B3GALT6: variants seen among roughly 807,000 people sequenced by gnomAD.
B3GALT6 encodes the protein beta-1,3-galactosyltransferase 6.
In B3GALT6, 27 loss-of-function variants were observed where a neutral mutation model predicts 23.3. That is an observed-to-expected ratio of 1.16 (90% CI 0.85 to 1.60). The LOEUF (loss-of-function observed/expected upper bound fraction) is 1.60, where lower values mean the gene tolerates loss of function less well. Ranked by LOEUF, B3GALT6 falls within the 40% of genes most tolerant of loss-of-function variation. B3GALT6 has a pLI of 0.00. For synonymous variants in B3GALT6, 313 were observed against 232.3 expected (o/e 1.35, Z -3.16); for missense variants, 554 against 471.1 (o/e 1.18, Z -1.63).
At position 1,232,934 on chromosome 1, in the gene B3GALT6, T is replaced by A; in HGVS notation, c.656T>A (p.Val219Glu). The change falls in exon 1 of 1, where the codon GTG (valine) becomes GAG (glutamate). Residue 219 changes from valine (V) to glutamate (E), a missense_variant. Coordinates refer to ENST00000379198, the MANE Select transcript of B3GALT6 (RefSeq NM_080605.4). Reference sequence around the variant, plus strand: ...CCCTACGCGCTGGGCGGCGGCTACGTGCTCTCGGCCGACCTGGTGCACTAC... The same window carrying A: ...CCCTACGCGCTGGGCGGCGGCTACGAGCTCTCGGCCGACCTGGTGCACTAC... ...YLPYALGGGY[V>E]LSADLVHYLR... 1.9e-6 allele frequency: 3 copies of A among 1,564,306 alleles called. No individual in the cohort carries two copies. Among genetic ancestry groups the A allele is most frequent in the Non-Finnish European group, 2.6e-6 (3 of 1,163,710 alleles).
Position 1,232,679 on chromosome 1 carries a change from C to T in B3GALT6, c.401C>T (p.Ala134Val). Residue 134 changes from alanine to valine, a missense_variant, in exon 1 of 1, where the codon GCC becomes GTC. Physicochemically the swap from Ala to Val is moderately conservative, Grantham distance 64. Transcript: ENST00000379198. ...CGCGACGCCTACGAAAACCTCACGG[C>T]CAAGGTGCTGGCCATGCTGGCCTGG... ...ALRDAYENLT[A>V]KVLAMLAWLD... 2.2e-6 allele frequency: 3 copies of T among 1,371,104 alleles called. No individual in the cohort carries two copies. The highest frequency in any genetic ancestry group is 2.9e-5 in the East Asian group (1 of 34,284). The allele number at this position is 1,371,104 out of a possible 1,614,324, so 84.9% of individuals were successfully genotyped here. A position where few individuals can be genotyped will look rare whatever the true frequency, so the allele number is the denominator to read the frequency against.
rs1341706013 is a variant in B3GALT6, at chr1:1,232,367, C to A, written c.89C>A (p.Ala30Glu). 1.0e-6 allele frequency: 1 copy of A among 986,150 alleles called. No homozygotes were observed. Among genetic ancestry groups the A allele is most frequent in the Non-Finnish European group, 1.2e-6 (1 of 831,830 alleles). 61.1% of individuals were successfully genotyped at this position (986,150 alleles called of 1,614,324 possible). ...ALCGAALLYL[A>E]RCAAEPGDPR... ...TGCGGGGCGGCGCTGCTCTACCTGG[C>A]GCGCTGCGCGGCCGAGCCCGGGGAC... Residue 30 changes from alanine to glutamate, a missense_variant, in exon 1 of 1, where the codon GCG (alanine) becomes GAG (glutamate). Coordinates refer to ENST00000379198, the MANE Select transcript of B3GALT6 (RefSeq NM_080605.4).
At position 1,233,361 on chromosome 1, in the gene B3GALT6, C is replaced by T. The variant is rs1638581468; in HGVS notation, c.*93C>T. 1.5e-6 allele frequency: 2 copies of T among 1,342,930 alleles called. No individual in the cohort carries two copies. The highest frequency in any genetic ancestry group is 3.8e-5 in the Admixed American group (1 of 26,062). 83.2% of individuals were successfully genotyped at this position (1,342,930 alleles called of 1,614,324 possible). On this transcript the variant is annotated 3_prime_UTR_variant, in exon 1 of 1. Transcript: ENST00000379198. ...GGCGCACTACGCCCGGGCCCCAAGG[C>T]CCCCGTCCCGCAGCCACGCTTGTGG... is the stretch of plus-strand genomic sequence containing the variant.
Position 1,233,846 on chromosome 1 carries a change from T to G in B3GALT6, c.*578T>G. The G allele has an allele frequency of 6.0e-6, 1 of 166,890 alleles. No individual in the cohort carries two copies. Among genetic ancestry groups the G allele is most frequent in the Non-Finnish European group, 1.5e-5 (1 of 68,142 alleles). The allele number at this position is 166,890 out of a possible 1,614,324, so 10.3% of individuals were successfully genotyped here. A position where few individuals can be genotyped will look rare whatever the true frequency, so the allele number is the denominator to read the frequency against. ...GCCCGTGTTTAAACGCAGGAGAACT[T>G]TAAAACTGGCCATCTATCTTTTCAG... On this transcript the variant is annotated 3_prime_UTR_variant, in exon 1 of 1. Coordinates refer to ENST00000379198, the MANE Select transcript of B3GALT6 (RefSeq NM_080605.4).
chr1:1,232,476 G>T lies in B3GALT6; in HGVS notation c.198G>T (p.Ala66=), dbSNP rs1234350290. ...TCCTGGCAGTGCTGGTGGCCAGCGC[G>T]CCCCGCGCCGCCGAGCGCCGCAGCG... ...AAFLAVLVAS[A]PRAAERRSVI... The change falls in exon 1 of 1, where the codon GCG becomes GCT. Residue 66 remains alanine, a synonymous_variant. Coordinates refer to ENST00000379198, the MANE Select transcript of B3GALT6 (RefSeq NM_080605.4). The T allele has an allele frequency of 2.0e-6, 2 of 1,018,532 alleles. No individual in the cohort carries two copies. The highest frequency in any genetic ancestry group is 1.8e-5 in the African/African-American group (1 of 57,130). The allele number at this position is 1,018,532 out of a possible 1,614,324, so 63.1% of individuals were successfully genotyped here. A position where few individuals can be genotyped will look rare whatever the true frequency, so the allele number is the denominator to read the frequency against.
rs1324657514 is a variant in B3GALT6, at chr1:1,233,791, C to T, written c.*523C>T. 1.2e-5 allele frequency: 2 copies of T among 167,452 alleles called. No individual in the cohort carries two copies. The highest frequency in any genetic ancestry group is 2.9e-5 in the Non-Finnish European group (2 of 68,530). 10.4% of individuals were successfully genotyped at this position (167,452 alleles called of 1,614,324 possible). On this transcript the variant is annotated 3_prime_UTR_variant, in exon 1 of 1. Coordinates refer to ENST00000379198, the MANE Select transcript of B3GALT6 (RefSeq NM_080605.4). The stretch of plus-strand genomic sequence containing the variant: ...TTAAGGAAAGACTTTTATGTCAGAA[C>T]TTGGTGCCTGTACCGTCAACCCCGC...
At position 1,232,428 on chromosome 1, in the gene B3GALT6, C is replaced by G; in HGVS notation, c.150C>G (p.Pro50=). 5 of 992,358 alleles carry G rather than the reference C, an allele frequency of 5.0e-6. No individual in the cohort carries two copies. The highest frequency in any genetic ancestry group is 6.0e-6 in the Non-Finnish European group (5 of 836,242). 61.5% of individuals were successfully genotyped at this position (992,358 alleles called of 1,614,324 possible). ...TGTCGGGCCGCAGCCCGCCTCCCCC[C>G]GCGCCCGCGCGCGCCGCCGCCTTCC... is the stretch of plus-strand genomic sequence containing the variant. ...RAMSGRSPPP[P]APARAAAFLA... is the part of the protein sequence containing the mutation. The change falls in exon 1 of 1, where the codon CCC becomes CCG. Residue 50 remains proline, a synonymous_variant. Coordinates refer to ENST00000379198, the MANE Select transcript of B3GALT6 (RefSeq NM_080605.4).
In B3GALT6 at chr1:1,232,337, CG is replaced by C. The variant is rs1390081986; in HGVS notation, c.60del (p.Leu21CysfsTer55). The C allele has an allele frequency of 1.0e-6, 1 of 983,864 alleles. No homozygotes were observed. Among genetic ancestry groups the C allele is most frequent in the African/African-American group, 1.8e-5 (1 of 56,306 alleles). 60.9% of individuals were successfully genotyped at this position (983,864 alleles called of 1,614,324 possible). A position where few individuals can be genotyped will look rare whatever the true frequency, so the allele number is the denominator to read the frequency against. ...RRAALGLGTL[A>X]LCGAALLYLA... ...GCGGCGCTAGGCCTGGGCACGCTGG[CG>C]CTGTGCGGGGCGGCGCTGCTCTACC... On this transcript the variant is annotated frameshift_variant, in exon 1 of 1. Transcript: ENST00000379198. LOFTEE classifies it high-confidence loss of function.
rs1402832925 is a variant in B3GALT6 at position 1,232,665 on chromosome 1, C to T, written c.387C>T (p.Tyr129=). Residue 129 remains tyrosine (Y), a synonymous_variant, in exon 1 of 1, where the codon TAC becomes TAT. Coordinates refer to ENST00000379198, the MANE Select transcript of B3GALT6 (RefSeq NM_080605.4). The part of the protein sequence containing the change: ...LLLLPALRDA[Y]ENLTAKVLAM... ...TGCTGCCCGCGCTGCGCGACGCCTACGAAAACCTCACGGCCAAGGTGCTGG... is the reference window on the plus strand; with the variant it reads ...TGCTGCCCGCGCTGCGCGACGCCTATGAAAACCTCACGGCCAAGGTGCTGG... 13 of 1,334,810 alleles carry T rather than the reference C, an allele frequency of 9.7e-6. No homozygotes were observed. The highest frequency in any genetic ancestry group is 1.3e-5 in the Non-Finnish European group (13 of 1,038,430). The allele number at this position is 1,334,810 out of a possible 1,614,324, so 82.7% of individuals were successfully genotyped here.
rs773554689 is a variant in B3GALT6, at chr1:1,232,776, G to A, written c.498G>A (p.Leu166=). The A allele has an allele frequency of 7.2e-7, 1 of 1,382,816 alleles. No homozygotes were observed. The highest frequency in any genetic ancestry group is 1.7e-5 in the South Asian group (1 of 60,096). The allele number at this position is 1,382,816 out of a possible 1,614,324, so 85.7% of individuals were successfully genotyped here. The change falls in exon 1 of 1, where the codon CTG becomes CTA. Residue 166 remains leucine, a synonymous_variant. Coordinates refer to ENST00000379198, the MANE Select transcript of B3GALT6 (RefSeq NM_080605.4). ...ACTCCTTCGCGCGGCTGGACGCGCT[G>A]CTGGCCGAGCTGCGCGCCCGCGAGC... ...DDDSFARLDA[L]LAELRAREPA...
Position 1,232,681 on chromosome 1 carries a change from A to T in B3GALT6, c.403A>T (p.Lys135Ter). The change falls in exon 1 of 1, where the codon AAG (lysine) becomes TAG (stop). Residue 135 changes from lysine (K) to a stop codon, truncating the protein, a stop_gained. Transcript: ENST00000379198. LOFTEE classifies it high-confidence loss of function. ...LRDAYENLTAKVLAMLAWLDE... is the reference protein window; with the variant it reads ...LRDAYENLTA ...CGACGCCTACGAAAACCTCACGGCC[A>T]AGGTGCTGGCCATGCTGGCCTGGCT... 7.3e-7 allele frequency: 1 copy of T among 1,372,852 alleles called. No individual in the cohort carries two copies. The allele number at this position is 1,372,852 out of a possible 1,614,324, so 85.0% of individuals were successfully genotyped here.
At position 1,233,139 on chromosome 1, in the gene B3GALT6, G is replaced by A. The variant is rs1401548448; in HGVS notation, c.861G>A (p.Leu287=). The part of the protein sequence containing the change: ...VTHKQSLEDM[L]EKHATLAREG... ...ACAAGCAGAGCCTGGAGGACATGCT[G>A]GAGAAGCACGCGACGCTGGCGCGCG... The change falls in exon 1 of 1, where the codon CTG becomes CTA. Residue 287 remains leucine, a synonymous_variant. Coordinates refer to ENST00000379198, the MANE Select transcript of B3GALT6 (RefSeq NM_080605.4). 6.4e-6 allele frequency: 10 copies of A among 1,557,600 alleles called. No homozygotes were observed. The Admixed American group carries it at 1.7e-4, about 26-fold the overall frequency.
Position 1,233,155 on chromosome 1 carries a change from C to T in B3GALT6, c.877C>T (p.Leu293=), listed in dbSNP as rs1239726506. 2.6e-6 allele frequency: 4 copies of T among 1,550,970 alleles called. No homozygotes were observed. In the East Asian group the frequency reaches 7.2e-5, roughly 28 times the overall value. Residue 293 remains leucine (L), a synonymous_variant, in exon 1 of 1, where the codon CTG becomes TTG. Transcript: ENST00000379198. ...LEDMLEKHAT[L]AREGRLCKRE... is the part of the protein sequence containing the mutation. ...GGACATGCTGGAGAAGCACGCGACGCTGGCGCGCGAGGGCCGCCTGTGCAA... is the reference window on the plus strand; with the variant it reads ...GGACATGCTGGAGAAGCACGCGACGTTGGCGCGCGAGGGCCGCCTGTGCAA...
Position 1,232,629 on chromosome 1 carries a change from G to A in B3GALT6, c.351G>A (p.Gly117=), listed in dbSNP as rs757648808. 3.2e-6 allele frequency: 4 copies of A among 1,265,866 alleles called. No individual in the cohort carries two copies. The highest frequency in any genetic ancestry group is 3.1e-5 in the African/African-American group (2 of 64,574). 78.4% of individuals were successfully genotyped at this position (1,265,866 alleles called of 1,614,324 possible). ...TGGAGCGGGAGCAGGCGCGGCACGG[G>A]GACCTGCTGCTGCTGCCCGCGCTGC... is the stretch of plus-strand genomic sequence containing the variant. ...RALEREQARH[G]DLLLLPALRD... The change falls in exon 1 of 1, where the codon GGG becomes GGA. Residue 117 remains glycine (G), a synonymous_variant. Coordinates refer to ENST00000379198, the MANE Select transcript of B3GALT6 (RefSeq NM_080605.4).
chr1:1,233,623 G>T lies in B3GALT6; in HGVS notation c.*355G>T. The T allele has an allele frequency of 4.0e-6, 1 of 247,726 alleles. No homozygotes were observed. The highest frequency in any genetic ancestry group is 8.3e-6 in the Non-Finnish European group (1 of 120,730). 15.3% of individuals were successfully genotyped at this position (247,726 alleles called of 1,614,324 possible). A position where few individuals can be genotyped will look rare whatever the true frequency, so the allele number is the denominator to read the frequency against. On this transcript the variant is annotated 3_prime_UTR_variant, in exon 1 of 1. Coordinates refer to ENST00000379198, the MANE Select transcript of B3GALT6 (RefSeq NM_080605.4). ...ATCTAACGTGGTTTCACATCAATCCGCTTTCATGGGATTTTGGTCTCTGTC... is the reference window on the plus strand; with the variant it reads ...ATCTAACGTGGTTTCACATCAATCCTCTTTCATGGGATTTTGGTCTCTGTC...
At position 1,232,772 on chromosome 1, in the gene B3GALT6, CGCTGCTGGCCGA is replaced by C; in HGVS notation, c.500_511del (p.Leu167_Leu170del). The C allele has an allele frequency of 7.2e-7, 1 of 1,390,922 alleles. No individual in the cohort carries two copies. Among genetic ancestry groups the C allele is most frequent in the Non-Finnish European group, 9.3e-7 (1 of 1,074,716 alleles). 86.2% of individuals were successfully genotyped at this position (1,390,922 alleles called of 1,614,324 possible). A position where few individuals can be genotyped will look rare whatever the true frequency, so the allele number is the denominator to read the frequency against. On this transcript the variant is annotated inframe_deletion, in exon 1 of 1. Transcript: ENST00000379198. ...GACGACTCCTTCGCGCGGCTGGACG[CGCTGCTGGCCGA>C]GCTGCGCGCCCGCGAGCCCGCGCGC...
rs376136144 is a variant in B3GALT6, at chr1:1,235,033, C to T, written c.*1765C>T. The T allele has an allele frequency of 1.4e-4, 23 of 166,572 alleles. No homozygotes were observed. Among genetic ancestry groups the T allele is most frequent in the African/African-American group, 5.1e-4 (21 of 41,452 alleles). 10.3% of individuals were successfully genotyped at this position (166,572 alleles called of 1,614,324 possible). ...CAGCCTAAGACATTAAATTTCATAT[C>T]AGAACAAAGCCTGCCCCAGGCTGAC... On this transcript the variant is annotated 3_prime_UTR_variant, in exon 1 of 1. Coordinates refer to ENST00000379198, the MANE Select transcript of B3GALT6 (RefSeq NM_080605.4).
At position 1,232,376 on chromosome 1, in the gene B3GALT6, C is replaced by T; in HGVS notation, c.98C>T (p.Ala33Val). Reference sequence around the variant, plus strand: ...GCGCTGCTCTACCTGGCGCGCTGCGCGGCCGAGCCCGGGGACCCCAGGGCG... The same window carrying T: ...GCGCTGCTCTACCTGGCGCGCTGCGTGGCCGAGCCCGGGGACCCCAGGGCG... ...GAALLYLARC[A>V]AEPGDPRAMS... is the part of the protein sequence containing the mutation. The change falls in exon 1 of 1, where the codon GCG becomes GTG. Residue 33 changes from alanine (A) to valine (V), a missense_variant. Transcript: ENST00000379198. 4 of 986,674 alleles carry T rather than the reference C, an allele frequency of 4.1e-6. No homozygotes were observed. The highest frequency in any genetic ancestry group is 4.8e-6 in the Non-Finnish European group (4 of 832,210). The allele number at this position is 986,674 out of a possible 1,614,324, so 61.1% of individuals were successfully genotyped here.
Position 1,233,140 on chromosome 1 carries a change from G to A in B3GALT6, c.862G>A (p.Glu288Lys). ...CAAGCAGAGCCTGGAGGACATGCTG[G>A]AGAAGCACGCGACGCTGGCGCGCGA... Reference protein sequence around the residue: ...THKQSLEDMLEKHATLAREGR... With the variant: ...THKQSLEDMLKKHATLAREGR... The change falls in exon 1 of 1, where the codon GAG becomes AAG. Residue 288 changes from glutamate to lysine, a missense_variant. Glu to Lys is a moderately conservative substitution (Grantham distance 56, BLOSUM62 1). Transcript: ENST00000379198. 1.3e-6 allele frequency: 2 copies of A among 1,557,910 alleles called. No homozygotes were observed. Among genetic ancestry groups the A allele is most frequent in the Non-Finnish European group, 1.7e-6 (2 of 1,156,202 alleles).
Sources: gnomAD v4.1 joint callset for allele counts on GRCh38, gnomAD v4.1.1 for gene constraint, MANE v1.5 for transcripts, NCBI Gene and HGNC (gene_info 2026-07-23, HGNC 2026-07-21) for gene names.